Variants in GPN2 observed in about 807,000 individuals in gnomAD.
GPN2 encodes GPN-loop GTPase 2, also known as ATP-binding domain 1 family member B.
Under a neutral mutation model 30.1 loss-of-function variants are expected in GPN2, and 27 were observed. The observed-to-expected ratio is 0.90, with a 90% CI of 0.66 to 1.24. GPN2 has a LOEUF of 1.24. Ranked by LOEUF, GPN2 falls within the 50% of genes most tolerant of loss-of-function variation. GPN2 has a pLI of 0.00. For missense variants in GPN2, 406 were observed against 405.4 expected, an observed-to-expected ratio of 1.00 and a Z score of -0.01; for synonymous variants, 212 against 174.4, an observed-to-expected ratio of 1.22 and a Z score of -1.70.
At position 26,890,222 on chromosome 1, in the gene GPN2, C is replaced by T. The variant is rs2081914886; in HGVS notation, c.-126G>A. 1.2e-6 allele frequency: 1 copy of T among 810,574 alleles called. No homozygotes were observed. The allele number at this position is 810,574 out of a possible 1,614,324, so 50.2% of individuals were successfully genotyped here. A position where few individuals can be genotyped will look rare whatever the true frequency, so the allele number is the denominator to read the frequency against. ...CGTTGGCGGCCAGCGTCACTCGCCT[C>T]AGGCGGAACAGCTGAGACCGTGTCG... On this transcript the variant is annotated 5_prime_UTR_variant, in exon 1 of 5. Coordinates refer to ENST00000374135, the MANE Select transcript of GPN2 (RefSeq NM_018066.4).
intron 4 of GPN2, 43 bp downstream of exon 4, chr1:26,884,117 T>C: frequency 1.9e-6 from 3 of 1,574,184 alleles, no homozygotes; most frequent in African/African-American, 1.4e-5. Flanking sequence ...TTGAGTCCCA[T>C]GTCTCACCCT....
At position 26,876,693 on chromosome 1, in the gene GPN2, G is replaced by A. The variant is rs1010683784; in HGVS notation, c.*2984C>T. 1 of 152,038 alleles carries A rather than the reference G, an allele frequency of 6.6e-6. No homozygotes were observed. Among genetic ancestry groups the A allele is most frequent in the African/African-American group, 2.4e-5 (1 of 41,374 alleles). 9.4% of individuals were successfully genotyped at this position (152,038 alleles called of 1,614,324 possible). On this transcript the variant is annotated 3_prime_UTR_variant, in exon 5 of 5. Transcript: ENST00000374135. ...TCGGACATCTTCCTTTCTGCACTGTGCAGATCCCCTCAGTATATGCAGAGA... is the reference window on the plus strand; with the variant it reads ...TCGGACATCTTCCTTTCTGCACTGTACAGATCCCCTCAGTATATGCAGAGA...
chr1:26,887,169 G>A lies in GPN2; in HGVS notation c.569-1036C>T, dbSNP rs116049679. Among the ~76,000 whole-genome samples the A allele has an allele frequency of 4.5e-3, 689 of 152,166 alleles. 7 individuals are homozygous for A. Among genetic ancestry groups the A allele is most frequent in the African/African-American group, 0.014 (591 of 41,498 alleles). On this transcript the variant is annotated intron_variant, in intron 2 of 4. Coordinates refer to ENST00000374135, the MANE Select transcript of GPN2 (RefSeq NM_018066.4). ...CTGAATAAATGCTACATTCTAGCAG[G>A]GTAGCCTCCTGGGTAAATCACTTTC...
At chr1:26,887,058 G>A (rs1401892871) in intron 2 of GPN2, among the ~76,000 whole-genome samples, 1 of 151,746 alleles carries the variant, frequency 6.6e-6, no homozygotes, top group Non-Finnish European at 1.5e-5. Context: ...AACTGTGCAT[G>A]GTCGTCCTCA....
rs2081842594 is a variant in GPN2, at chr1:26,877,465, A to G, written c.*2212T>C. 1 of 152,254 alleles carries G rather than the reference A, an allele frequency of 6.6e-6. No individual in the cohort carries two copies. The highest frequency in any genetic ancestry group is 2.4e-5 in the African/African-American group (1 of 41,470). The allele number at this position is 152,254 out of a possible 1,614,324, so 9.4% of individuals were successfully genotyped here. On this transcript the variant is annotated 3_prime_UTR_variant, in exon 5 of 5. Transcript: ENST00000374135. ...TATCTATGATTCAGTAATACTTTAC[A>G]GGTGCCTAATTTCTTTCTCCTGATT...
Position 26,879,311 on chromosome 1 carries a change from G to C in GPN2, c.*366C>G. On this transcript the variant is annotated 3_prime_UTR_variant, in exon 5 of 5. Coordinates refer to ENST00000374135, the MANE Select transcript of GPN2 (RefSeq NM_018066.4). Reference sequence around the variant, plus strand: ...AATACTGATTATTCCAAGGCTAGGTGACACTCCCTCATTCTTCCCCAAACC... The same window carrying C: ...AATACTGATTATTCCAAGGCTAGGTCACACTCCCTCATTCTTCCCCAAACC... The C allele has an allele frequency of 4.3e-6, 1 of 234,542 alleles. No individual in the cohort carries two copies. Among genetic ancestry groups the C allele is most frequent in the Non-Finnish European group, 8.7e-6 (1 of 115,556 alleles). 14.5% of individuals were successfully genotyped at this position (234,542 alleles called of 1,614,324 possible). A position where few individuals can be genotyped will look rare whatever the true frequency, so the allele number is the denominator to read the frequency against.
chr1:26,884,471 A>C (rs1160987659), intron 3 of GPN2, among the ~76,000 whole-genome samples, 181 bp from the exon 4 acceptor site: 1 of 152,172 alleles, frequency 6.6e-6, no homozygotes, highest in African/African-American at 2.4e-5. Context: ...CAACTCACTC[A>C]GATTAGAACA....
chr1:26,886,773 G>A (rs1467131276), intron 2 of GPN2, among the ~76,000 whole-genome samples: 1 of 149,872 alleles, frequency 6.7e-6, no homozygotes, highest in African/African-American at 2.5e-5. Context: ...AGCCGAGATC[G>A]CGCCACTGCA....
chr1:26,879,727 A>C lies in GPN2; in HGVS notation c.883T>G (p.Tyr295Asp). Residue 295 changes from tyrosine to aspartate, a missense_variant, in exon 5 of 5, where the codon TAC (tyrosine) becomes GAC (aspartate). Transcript: ENST00000374135. Reference sequence around the variant, plus strand: ...ACTGACTGGTTCGAGGGTGCCAGGTACTTCTCCTGGATGCCCAGTGTGCTG... The same window carrying C: ...ACTGACTGGTTCGAGGGTGCCAGGTCCTTCTCCTGGATGCCCAGTGTGCTG... ...FSSTLGIQEK[Y>D]LAPSNQSVEQ... The C allele has an allele frequency of 6.2e-7, 1 of 1,613,814 alleles. No individual in the cohort carries two copies.
chr1:26,879,393 T>A lies in GPN2; in HGVS notation c.*284A>T. On this transcript the variant is annotated 3_prime_UTR_variant, in exon 5 of 5. Coordinates refer to ENST00000374135, the MANE Select transcript of GPN2 (RefSeq NM_018066.4). ...AAGTCACAAAAAGTAGAAAATAAAC[T>A]CTTGTATTGTAGCACATTTCATCAC... 2.5e-6 allele frequency: 1 copy of A among 405,064 alleles called. No homozygotes were observed. The highest frequency in any genetic ancestry group is 3.9e-5 in the East Asian group (1 of 25,746). 25.1% of individuals were successfully genotyped at this position (405,064 alleles called of 1,614,324 possible).
At chr1:26,886,555 T>C in intron 2 of GPN2, 1 of 431,804 alleles carries the variant, frequency 2.3e-6, no homozygotes, top group Non-Finnish European at 4.7e-6. Flanking sequence ...CCAGGTGCGG[T>C]GGCTCAAGCC....
At chr1:26,889,532 C>A (rs1437978516) in intron 1 of GPN2, among the ~76,000 whole-genome samples, 154 bp downstream of exon 1, 1 of 152,212 alleles carries the variant, frequency 6.6e-6, no homozygotes, top group African/African-American at 2.4e-5. Flanking sequence ...CACCACACAG[C>A]CAGTCAGTAG....
intron 2 of GPN2, among the ~76,000 whole-genome samples, chr1:26,886,850 G>A (rs1312460800): frequency 1.3e-5 from 2 of 151,560 alleles, no homozygotes; most frequent in East Asian, 1.9e-4. Flanking sequence ...AAAATTAGCC[G>A]GACGTGGTGG....
At chr1:26,889,293 T>C (rs910048) in intron 1 of GPN2, among the ~76,000 whole-genome samples, 168 bp from the exon 2 acceptor site, 110 of 151,662 alleles carry the variant, frequency 7.3e-4, no homozygotes, top group Non-Finnish European at 1.4e-3. Context: ...TAGGAGTCAT[T>C]TTTTTTTTCT....
intron 3 of GPN2, 25 bp downstream of exon 3, chr1:26,885,948 A>G: frequency 2.5e-6 from 4 of 1,577,148 alleles, no homozygotes; most frequent in Non-Finnish European, 3.5e-6. Flanking sequence ...TGCACTGTCA[A>G]GAGTCCCGTC....
At chr1:26,886,175 C>T (rs2081890008) in intron 2 of GPN2, 42 bp from the exon 3 acceptor site, 1 of 1,474,434 alleles carries the variant, frequency 6.8e-7, no homozygotes, top group African/African-American at 1.4e-5. Context: ...CAGTATCAGG[C>T]TAAAGACCTG....
intron 4 of GPN2, among the ~76,000 whole-genome samples, chr1:26,880,700 G>C (rs961709911): frequency 6.6e-6 from 1 of 151,934 alleles, no homozygotes; most frequent in African/African-American, 2.4e-5. Flanking sequence ...TCCTGGCCTT[G>C]AGCAATCCTC....
intron 2 of GPN2, chr1:26,888,751 TG>T (rs1207458632): frequency 6.3e-5 from 37 of 590,978 alleles, no homozygotes; most frequent in African/African-American, 5.0e-4. Context: ...TTAATTCCTT[TG>T]TAACACCTAA....
chr1:26,889,930 C>T lies in GPN2; in HGVS notation c.167G>A (p.Cys56Tyr). Reference protein sequence around the residue: ...DPANEGLPYECAVDVGELVGL... With the variant: ...DPANEGLPYEYAVDVGELVGL... ...CACCAGCTCGCCCACGTCCACGGCA[C>T]ACTCGTACGGCAGCCCCTCGTTGGC... The change falls in exon 1 of 5, where the codon TGT (cysteine) becomes TAT (tyrosine). Residue 56 changes from cysteine (C) to tyrosine (Y), a missense_variant. Physicochemically the swap from Cys to Tyr is radical, Grantham distance 194. Coordinates refer to ENST00000374135, the MANE Select transcript of GPN2 (RefSeq NM_018066.4). 6.2e-7 allele frequency: 1 copy of T among 1,610,168 alleles called. No individual in the cohort carries two copies. Among genetic ancestry groups the T allele is most frequent in the Non-Finnish European group, 8.5e-7 (1 of 1,179,312 alleles).
Sources: allele counts gnomAD v4.1 joint callset (sites outside exome capture counted in the v4.1 genomes callset), GRCh38; gene constraint gnomAD v4.1.1; transcripts MANE v1.5; gene names NCBI Gene and HGNC (gene_info 2026-07-23, HGNC 2026-07-21).